The following VAV3 variants were observed in gnomAD, a reference collection of about 807,000 sequenced individuals.
VAV3 encodes vav guanine nucleotide exchange factor 3, also known as guanine nucleotide exchange factor VAV3.
In VAV3, 94 loss-of-function variants were observed where a neutral mutation model predicts 131.2. That is an observed-to-expected ratio of 0.72 (90% CI 0.61 to 0.85). VAV3 has a LOEUF of 0.85. VAV3 is among the 40% of genes least tolerant of loss of function. VAV3 has a pLI of 0.00. For missense variants in VAV3, 939 were observed against 1,002.7 expected (o/e 0.94, Z 0.86); for synonymous variants, 349 against 342.0 (o/e 1.02, Z -0.22).
chr1:107,778,873 T>A (rs1665524376), intron 3 of VAV3, among the ~76,000 whole-genome samples: 1 of 152,180 alleles, frequency 6.6e-6, no homozygotes, highest in African/African-American at 2.4e-5. Context: ...CAACACAACA[T>A]ACACATCTAT....
chr1:107,899,864 C>T (rs905326059), intron 1 of VAV3, among the ~76,000 whole-genome samples: 1 of 152,122 alleles, frequency 6.6e-6, no homozygotes, highest in African/African-American at 2.4e-5. Flanking sequence ...AACAGATAAG[C>T]AATAAACATA....
intron 22 of VAV3, among the ~76,000 whole-genome samples, chr1:107,603,855 GAGT>G (rs1301271663): frequency 1.3e-5 from 2 of 151,372 alleles, no homozygotes; most frequent in Admixed American, 1.3e-4. Context: ...GCCCAGGCTG[GAGT>G]GCATGGCACC....
intron 25 of VAV3, chr1:107,578,892 A>T: frequency 1.0e-6 from 1 of 985,236 alleles, no homozygotes; most frequent in Non-Finnish European, 1.2e-6. Flanking sequence ...TTAGCTCTAG[A>T]AGAGAGAAAT....
At chr1:107,611,917 T>C (rs1339115347) in intron 21 of VAV3, among the ~76,000 whole-genome samples, 2 of 152,132 alleles carry the variant, frequency 1.3e-5, no homozygotes, top group Admixed American at 1.3e-4. Flanking sequence ...CTTTCTTCTG[T>C]GTACTATGGG....
At chr1:107,947,700 A>AT (rs575270671) in intron 1 of VAV3, among the ~76,000 whole-genome samples, 15 of 152,360 alleles carry the variant, frequency 9.8e-5, no homozygotes, top group African/African-American at 3.1e-4. Flanking sequence ...TTCTTTCAAT[A>AT]TAACATGCTG....
intron 2 of VAV3, among the ~76,000 whole-genome samples, chr1:107,846,603 G>C (rs1435365842): frequency 2.0e-5 from 3 of 151,970 alleles, no homozygotes; most frequent in Admixed American, 6.6e-5. Context: ...AAAAATAAAG[G>C]AGCGGTTGCA....
intron 22 of VAV3, among the ~76,000 whole-genome samples, chr1:107,607,331 T>C (rs909294014): frequency 2.0e-5 from 3 of 152,118 alleles, no homozygotes; most frequent in Non-Finnish European, 2.9e-5. Context: ...TTAACTCTAT[T>C]TCGTTTCTTT....
At position 107,815,759 on chromosome 1, in the gene VAV3, C is replaced by T. The variant is rs115519384; in HGVS notation, c.322-36267G>A. ...GGTACCTAGTAGCAATATCTCCCAA[C>T]TCCCATTATCTTCTTTAGCCACATA... On this transcript the variant is annotated intron_variant, in intron 2 of 26. Transcript: ENST00000370056. Among the ~76,000 whole-genome samples the T allele has an allele frequency of 3.2e-3, 493 of 152,316 alleles. 1 individual carries two copies. Among genetic ancestry groups the T allele is most frequent in the African/African-American group, 0.011 (460 of 41,564 alleles).
chr1:107,852,615 G>C (rs890609141), intron 2 of VAV3, among the ~76,000 whole-genome samples: 2 of 152,060 alleles, frequency 1.3e-5, no homozygotes, highest in Non-Finnish European at 2.9e-5. Flanking sequence ...ATTTTATGAA[G>C]TTCTGAAAAC....
intron 2 of VAV3, among the ~76,000 whole-genome samples, chr1:107,839,874 TAAC>T (rs1459723502): frequency 6.6e-6 from 1 of 152,024 alleles, no homozygotes; most frequent in African/African-American, 2.4e-5. Context: ...ACTGAAACGA[TAAC>T]AAGGGAATAC....
chr1:107,688,597 T>C (rs1659199266), intron 17 of VAV3, 191 bp from the exon 18 acceptor site: 1 of 1,439,150 alleles, frequency 6.9e-7, no homozygotes, highest in South Asian at 1.4e-5. Flanking sequence ...CCCTATTGGC[T>C]TGTCAGGAAA....
At chr1:107,734,429 A>G (rs1296647095) in intron 15 of VAV3, among the ~76,000 whole-genome samples, 1 of 152,190 alleles carries the variant, frequency 6.6e-6, no homozygotes, top group Non-Finnish European at 1.5e-5. Context: ...GGATAAAGAG[A>G]CAAGACCCAT....
chr1:107,579,865 C>G (rs575014078), intron 25 of VAV3, among the ~76,000 whole-genome samples: 1 of 152,302 alleles, frequency 6.6e-6, no homozygotes, highest in Non-Finnish European at 1.5e-5. Context: ...CTGAGGCCCT[C>G]AGCTACATTT....
intron 1 of VAV3, among the ~76,000 whole-genome samples, chr1:107,879,089 TTCA>T: frequency 6.6e-6 from 1 of 152,248 alleles, no homozygotes; most frequent in South Asian, 2.1e-4. Flanking sequence ...TTCAAATTGG[TTCA>T]TGTTTCCTTT....
At chr1:107,926,050 C>T (rs1673144857) in intron 1 of VAV3, among the ~76,000 whole-genome samples, 2 of 151,870 alleles carry the variant, frequency 1.3e-5, no homozygotes, top group Admixed American at 6.6e-5. Flanking sequence ...GAAGCCGAGG[C>T]GGGCAGATCA....
intron 1 of VAV3, among the ~76,000 whole-genome samples, chr1:107,939,027 T>C (rs1673856775): frequency 6.6e-6 from 1 of 152,186 alleles, no homozygotes. Context: ...ACTTTCCCTT[T>C]TCTGACCATA....
At chr1:107,753,034 C>T (rs1295658845) in intron 12 of VAV3, among the ~76,000 whole-genome samples, 1 of 151,882 alleles carries the variant, frequency 6.6e-6, no homozygotes, top group Non-Finnish European at 1.5e-5. Flanking sequence ...TTCACAATAG[C>T]TGAAAGAAGG....
chr1:107,642,824 A>G, intron 19 of VAV3, 69 bp from the exon 20 acceptor site: 1 of 1,591,212 alleles, frequency 6.3e-7, no homozygotes, highest in Non-Finnish European at 8.5e-7. Context: ...TGAACTTTAC[A>G]AAAAATGTCA....
chr1:107,785,589 A>G, intron 2 of VAV3: 2 of 1,173,300 alleles, frequency 1.7e-6, no homozygotes, highest in Non-Finnish European at 2.1e-6. Context: ...CTAGCAGCAG[A>G]GGCTCAAGGC....
Sources: allele counts gnomAD v4.1 joint callset (sites outside exome capture counted in the v4.1 genomes callset), GRCh38; gene constraint gnomAD v4.1.1; transcripts MANE v1.5; gene names NCBI Gene and HGNC (gene_info 2026-07-23, HGNC 2026-07-21).